Variants in SLC26A5 observed in about 807,000 individuals in gnomAD.
SLC26A5 encodes the protein prestin.
Under a neutral mutation model 81.0 loss-of-function variants are expected in SLC26A5, and 51 were observed. The observed-to-expected ratio is 0.63, with a 90% CI of 0.50 to 0.80. The LOEUF is 0.80. Among genes scored for constraint, SLC26A5 ranks in the 30% least tolerant of loss-of-function variants. The probability of loss-of-function intolerance (pLI) is 0.00; values close to 1 mark genes in which losing one functional copy is unlikely to be tolerated. For missense variants in SLC26A5, 771 were observed against 905.8 expected (o/e 0.85, Z 1.91); for synonymous variants, 325 against 332.8 (o/e 0.98, Z 0.25).
rs1213892552 is a variant in SLC26A5 at position 103,391,745 on chromosome 7, G to A, written c.1120-10C>T. ...CCAGGGCAATGAGCTCCTTTCCCATGTAGAAACAAAACACAAAAGAGATAG... is the reference window on the plus strand; with the variant it reads ...CCAGGGCAATGAGCTCCTTTCCCATATAGAAACAAAACACAAAAGAGATAG... On this transcript the variant is annotated splice_polypyrimidine_tract_variant and intron_variant, in intron 10 of 19. Coordinates refer to ENST00000306312, the MANE Select transcript of SLC26A5 (RefSeq NM_198999.3). The A allele has an allele frequency of 6.8e-6, 11 of 1,608,576 alleles. No individual in the cohort carries two copies. Among genetic ancestry groups the A allele is most frequent in the Admixed American group, 1.7e-5 (1 of 59,756 alleles).
chr7:103,375,732 C>A (rs147231801), intron 19 of SLC26A5, among the ~76,000 whole-genome samples: 285 of 151,956 alleles, frequency 1.9e-3, no homozygotes, highest in Non-Finnish European at 3.0e-3. Context: ...CCACACCCAG[C>A]CTCAGGCACT....
intron 19 of SLC26A5, among the ~76,000 whole-genome samples, chr7:103,359,172 A>ATTTTTTTTTTTT (rs1586155184): frequency 1.9e-4 from 11 of 58,414 alleles, no homozygotes; most frequent in East Asian, 6.1e-4. Context: ...TTTTTTTTTA[A>ATTTTTTTTTTTT]TTTTTAGTAG....
At chr7:103,385,193 G>A (rs1393622985) in intron 14 of SLC26A5, among the ~76,000 whole-genome samples, 2 of 151,434 alleles carry the variant, frequency 1.3e-5, no homozygotes, top group Admixed American at 6.6e-5. Context: ...ACAGAGTCTC[G>A]CTCTGTCGCC....
chr7:103,397,677 A>G (rs937781928), intron 9 of SLC26A5, among the ~76,000 whole-genome samples: 2 of 150,704 alleles, frequency 1.3e-5, no homozygotes, highest in Admixed American at 1.3e-4. Flanking sequence ...AGAAGGCGCC[A>G]CTGCACTCCA....
intron 19 of SLC26A5, among the ~76,000 whole-genome samples, chr7:103,354,271 A>G (rs1819899169): frequency 6.6e-6 from 1 of 152,164 alleles, no homozygotes; most frequent in African/African-American, 2.4e-5. Flanking sequence ...AATCATTTAC[A>G]CAAGTTTACT....
intron 19 of SLC26A5, chr7:103,362,561 T>C: frequency 7.1e-7 from 1 of 1,414,964 alleles, no homozygotes; most frequent in Admixed American, 2.7e-5. Context: ...TTTCTCTTTA[T>C]ATAATTAGGG....
rs551881591 is a variant in SLC26A5 at position 103,360,195 on chromosome 7, A to C, written c.2042-7269T>G. On this transcript the variant is annotated intron_variant, in intron 19 of 19. Transcript: ENST00000339444. Reference sequence around the variant, plus strand: ...GAGCCATAATGTCATACATAAGGGAAAATGCATTTCATAATGTTTTGCATC... The same window carrying C: ...GAGCCATAATGTCATACATAAGGGACAATGCATTTCATAATGTTTTGCATC... 6.6e-5 allele frequency among the ~76,000 whole-genome samples: 10 copies of C among 152,318 alleles called. No individual in the cohort carries two copies. The South Asian group carries it at 1.7e-3, about 25-fold the overall frequency.
At chr7:103,365,245 TAATA>T (rs1369657719) in intron 19 of SLC26A5, among the ~76,000 whole-genome samples, 1 of 152,126 alleles carries the variant, frequency 6.6e-6, no homozygotes, top group Non-Finnish European at 1.5e-5. Context: ...TATTGCTATT[TAATA>T]GATACAGAAT....
chr7:103,366,258 A>T, intron 19 of SLC26A5: 1 of 1,076,524 alleles, frequency 9.3e-7, no homozygotes, highest in South Asian at 1.4e-5. Context: ...ACAGAATTTT[A>T]ACTCCAACTC....
chr7:103,405,640 C>T (rs1203714109), intron 8 of SLC26A5, among the ~76,000 whole-genome samples: 1 of 152,198 alleles, frequency 6.6e-6, no homozygotes, highest in East Asian at 1.9e-4. Flanking sequence ...GGAGGTGTCT[C>T]CCAGTCAGGA....
At chr7:103,390,868 T>A (rs1172248453) in intron 11 of SLC26A5, among the ~76,000 whole-genome samples, 1 of 149,270 alleles carries the variant, frequency 6.7e-6, no homozygotes, top group Non-Finnish European at 1.5e-5. Context: ...CCATTTACTT[T>A]TTTTTTTTTT....
chr7:103,360,228 T>A (rs527437414), intron 19 of SLC26A5, among the ~76,000 whole-genome samples: 26 of 152,326 alleles, frequency 1.7e-4, no homozygotes, highest in Admixed American at 1.4e-3. Flanking sequence ...ATCTCATAAC[T>A]TTTTGGTGAT....
chr7:103,357,600 A>G (rs1425886897), intron 19 of SLC26A5, among the ~76,000 whole-genome samples: 1 of 152,112 alleles, frequency 6.6e-6, no homozygotes, highest in Non-Finnish European at 1.5e-5. Context: ...CACCTTTCCT[A>G]TCCCCTCATC....
At chr7:103,419,468 C>T (rs956398574) in intron 4 of SLC26A5, among the ~76,000 whole-genome samples, 2 of 152,114 alleles carry the variant, frequency 1.3e-5, no homozygotes, top group Non-Finnish European at 2.9e-5. Context: ...GCTATTCCTT[C>T]TGCCTGAAAT....
chr7:103,405,328 C>G (rs1242710364), intron 8 of SLC26A5, among the ~76,000 whole-genome samples: 1 of 152,106 alleles, frequency 6.6e-6, no homozygotes, highest in Non-Finnish European at 1.5e-5. Flanking sequence ...ATTTATCTAC[C>G]TTTGGTCTTT....
At position 103,378,360 on chromosome 7, in the gene SLC26A5, C is replaced by T. The variant is rs936566683; in HGVS notation, c.1785+86G>A. 6.1e-6 allele frequency: 8 copies of T among 1,304,016 alleles called. No homozygotes were observed. In the African/African-American group the frequency reaches 8.7e-5, roughly 14 times the overall value. 80.8% of individuals were successfully genotyped at this position (1,304,016 alleles called of 1,614,324 possible). The stretch of plus-strand genomic sequence containing the variant: ...ACTTTCCTCTTTTAGTAACTTCGTG[C>T]TGTGTTTAAACTTCAGTCATGAGTA... On this transcript the variant is annotated intron_variant, in intron 17 of 19. Transcript: ENST00000306312.
intron 8 of SLC26A5, among the ~76,000 whole-genome samples, chr7:103,404,893 T>C (rs1486010969): frequency 1.3e-5 from 2 of 152,176 alleles, no homozygotes; most frequent in African/African-American, 2.4e-5. Context: ...TTCATTCTTT[T>C]TTTTTCCTCT....
chr7:103,422,858 T>C (rs1825453843), intron 2 of SLC26A5, among the ~76,000 whole-genome samples: 1 of 152,100 alleles, frequency 6.6e-6, no homozygotes, highest in African/African-American at 2.4e-5. Context: ...CATGAATGCA[T>C]GGTTAAGTGC....
downstream of SLC26A5, among the ~76,000 whole-genome samples, chr7:103,371,973 G>A (rs1409639797): frequency 2.6e-5 from 4 of 152,158 alleles, no homozygotes; most frequent in Non-Finnish European, 5.9e-5. Flanking sequence ...GGGATTACAG[G>A]CGTGAGCCAC....
Sources: allele counts gnomAD v4.1 joint callset (sites outside exome capture counted in the v4.1 genomes callset), GRCh38; gene constraint gnomAD v4.1.1; transcripts MANE v1.5; gene names NCBI Gene and HGNC (gene_info 2026-07-23, HGNC 2026-07-21).